The following SUGCT variants were observed in gnomAD, a reference collection of about 807,000 sequenced individuals.
SUGCT encodes the protein succinyl-CoA:glutarate CoA-transferase.
A neutral mutation model predicts 55.0 loss-of-function variants in SUGCT; 41 were observed. The observed-to-expected ratio is 0.74, with a 90% CI of 0.58 to 0.97. The LOEUF (loss-of-function observed/expected upper bound fraction) is 0.97, where lower values mean the gene tolerates loss of function less well. Ranked by LOEUF, SUGCT falls within the 50% of genes least tolerant of loss-of-function variation. SUGCT has a pLI of 0.00. For missense variants in SUGCT, 568 were observed against 547.8 expected (o/e 1.04, Z -0.37); for synonymous variants, 187 against 200.4 (o/e 0.93, Z 0.56).
intron 13 of SUGCT, among the ~76,000 whole-genome samples, chr7:40,840,908 T>TA (rs1269605950): frequency 1.4e-5 from 1 of 69,770 alleles, no homozygotes; most frequent in African/African-American, 6.9e-5. Context: ...TGTTTTTTTT[T>TA]ATGTTACAAC....
rs368476362 is a variant in SUGCT, at chr7:40,581,347, A to C, written c.1089+84961A>C. ...TGAGGAAATATGACACCTAAGTGAC[A>C]TGTAAGCCAGGAGGTAGTTAGCCAG... On this transcript the variant is annotated intron_variant, in intron 12 of 13. Transcript: ENST00000335693. Among the ~76,000 whole-genome samples, 6 of 152,334 alleles carry C rather than the reference A, an allele frequency of 3.9e-5. No homozygotes were observed. In the East Asian group the frequency reaches 5.8e-4, roughly 15 times the overall value.
At chr7:40,804,217 A>G (rs1286725389) in intron 13 of SUGCT, among the ~76,000 whole-genome samples, 2 of 152,224 alleles carry the variant, frequency 1.3e-5, no homozygotes, top group African/African-American at 2.4e-5. Flanking sequence ...AACATTGGGC[A>G]TAAAACTAAG....
chr7:40,739,187 TC>T (rs1787333518), intron 12 of SUGCT, among the ~76,000 whole-genome samples: 1 of 152,128 alleles, frequency 6.6e-6, no homozygotes, highest in African/African-American at 2.4e-5. Context: ...AGAGAAGAGT[TC>T]CATCACCACG....
chr7:40,804,947 G>A (rs1791013945), intron 13 of SUGCT, among the ~76,000 whole-genome samples: 1 of 152,112 alleles, frequency 6.6e-6, no homozygotes, highest in East Asian at 1.9e-4. Context: ...TGCAAAACCA[G>A]CCTTGTTTCA....
chr7:40,319,887 A>T (rs1795633670), intron 9 of SUGCT, among the ~76,000 whole-genome samples: 1 of 152,070 alleles, frequency 6.6e-6, no homozygotes, highest in Non-Finnish European at 1.5e-5. Context: ...CAGTGGTGTG[A>T]TCATAGCTTA....
intron 6 of SUGCT, among the ~76,000 whole-genome samples, chr7:40,205,307 T>C (rs1786900486): frequency 6.6e-6 from 1 of 150,638 alleles, no homozygotes; most frequent in Non-Finnish European, 1.5e-5. Context: ...GAAAATGTAT[T>C]GGATTGGAAC....
chr7:40,481,560 C>T (rs1432012644), intron 11 of SUGCT, among the ~76,000 whole-genome samples: 3 of 151,274 alleles, frequency 2.0e-5, no homozygotes, highest in African/African-American at 4.9e-5. Flanking sequence ...AATACAAAGC[C>T]GGTCTAACGT....
At chr7:40,649,037 C>T (rs1480525591) in intron 12 of SUGCT, among the ~76,000 whole-genome samples, 1 of 152,146 alleles carries the variant, frequency 6.6e-6, no homozygotes, top group Non-Finnish European at 1.5e-5. Flanking sequence ...TATTTGTTAT[C>T]ATTACTAATA....
chr7:40,231,335 A>T (rs12537621), intron 6 of SUGCT, among the ~76,000 whole-genome samples: 9 of 152,214 alleles, frequency 5.9e-5, no homozygotes, highest in Admixed American at 5.9e-4. Flanking sequence ...GGTGCTAAAG[A>T]TATTGCAGAG....
chr7:40,541,789 A>G (rs916105658), intron 12 of SUGCT, among the ~76,000 whole-genome samples: 4 of 152,254 alleles, frequency 2.6e-5, no homozygotes, highest in African/African-American at 9.6e-5. Context: ...ATAATGTTCC[A>G]TTAAATAAGG....
intron 12 of SUGCT, among the ~76,000 whole-genome samples, chr7:40,678,234 G>T (rs376851279): frequency 6.0e-4 from 92 of 152,264 alleles, no homozygotes; most frequent in African/African-American, 2.1e-3. Flanking sequence ...TGCCGTCGTG[G>T]AGACTGGCTA....
intron 9 of SUGCT, among the ~76,000 whole-genome samples, chr7:40,338,771 C>G (rs539789449): frequency 6.6e-6 from 1 of 152,348 alleles, no homozygotes; most frequent in African/African-American, 2.4e-5. Flanking sequence ...CTCCATTCAG[C>G]TTTGTTCCAT....
chr7:40,996,413 A>G, the SUGCT span, among the ~76,000 whole-genome samples: 2 of 152,154 alleles, frequency 1.3e-5, no homozygotes, highest in South Asian at 4.1e-4. Flanking sequence ...TGGAGCAGTG[A>G]GATTTGACCT....
intron 7 of SUGCT, among the ~76,000 whole-genome samples, chr7:40,252,276 A>G (rs1180741105): frequency 4.6e-5 from 7 of 151,836 alleles, no homozygotes; most frequent in African/African-American, 1.7e-4. Context: ...ATAGGCATGC[A>G]CCATCATGCC....
At chr7:40,264,733 T>TAA (rs1191619566) in intron 7 of SUGCT, among the ~76,000 whole-genome samples, 1 of 152,226 alleles carries the variant, frequency 6.6e-6, no homozygotes, top group Non-Finnish European at 1.5e-5. Flanking sequence ...TTTCATTTTT[T>TAA]ACTCTCCCCA....
At chr7:40,834,894 C>T (rs1016565004) in intron 13 of SUGCT, among the ~76,000 whole-genome samples, 1 of 152,092 alleles carries the variant, frequency 6.6e-6, no homozygotes. Flanking sequence ...TCTTCTCCAC[C>T]CTGCTCTTCT....
At chr7:40,257,826 A>T (rs567121958) in intron 7 of SUGCT, among the ~76,000 whole-genome samples, 10 of 152,322 alleles carry the variant, frequency 6.6e-5, no homozygotes, top group Admixed American at 6.5e-4. Context: ...GTGAGCCGAG[A>T]TCATGCCACT....
At chr7:41,023,835 T>C in the SUGCT span, among the ~76,000 whole-genome samples, 1 of 152,126 alleles carries the variant, frequency 6.6e-6, no homozygotes, top group African/African-American at 2.4e-5. Context: ...CATTAGGAAG[T>C]GATTGTTGAA....
At chr7:40,972,257 T>C in the SUGCT span, among the ~76,000 whole-genome samples, 3 of 152,314 alleles carry the variant, frequency 2.0e-5, no homozygotes, top group South Asian at 6.2e-4. Context: ...CTTAACCAAT[T>C]TCTCCTTAGA....
Sources: allele counts gnomAD v4.1 joint callset (sites outside exome capture counted in the v4.1 genomes callset), GRCh38; gene constraint gnomAD v4.1.1; transcripts MANE v1.5; gene names NCBI Gene and HGNC (gene_info 2026-07-23, HGNC 2026-07-21).